USP18: variants seen among roughly 807,000 people sequenced by gnomAD.
USP18 encodes the protein ubl carboxyl-terminal hydrolase 18.
A neutral mutation model predicts 48.7 loss-of-function variants in USP18; 11 were observed. The ratio of observed to expected loss-of-function variants is 0.23; its 90% confidence interval spans 0.14 to 0.37. The LOEUF is 0.37. USP18 is among the 10% of genes least tolerant of loss of function. The pLI, the probability that USP18 is intolerant of heterozygous loss-of-function variation, is 1.00. For missense variants in USP18, 285 were observed against 436.4 expected (o/e 0.65, Z 3.09); for synonymous variants, 114 against 163.2 (o/e 0.70, Z 2.30).
In USP18 at chr22:18,169,951, C is replaced by T. The variant is rs1196072841; in HGVS notation, c.723+12C>T. ...CCCGTGGGAAACAGGTACTCATTCC[C>T]TAAATCAGACTCAGCTGTCCCTCGG... On this transcript the variant is annotated intron_variant, in intron 7 of 10. Transcript: ENST00000215794. The T allele has an allele frequency of 3.2e-5, 51 of 1,573,044 alleles. No individual in the cohort carries two copies. The highest frequency in any genetic ancestry group is 4.3e-5 in the Non-Finnish European group (50 of 1,157,730).
At chr22:18,159,778 C>A (rs8137162) in intron 2 of USP18, among the ~76,000 whole-genome samples, 18,049 of 149,136 alleles carry the variant, frequency 0.12, 1,235 homozygotes, top group African/African-American at 0.16. Context: ...TGGGTTCACA[C>A]CATTCTCCTG....
intron 5 of USP18, among the ~76,000 whole-genome samples, 166 bp downstream of exon 5, chr22:18,167,500 AT>A (rs1929505656): frequency 1.3e-5 from 2 of 152,130 alleles, no homozygotes; most frequent in Non-Finnish European, 2.9e-5. Flanking sequence ...GATCGAGACC[AT>A]CCTGGCTAAC....
rs556302968 is a variant in USP18 at position 18,156,585 on chromosome 22, C to T, written c.-106-973C>T. Among the ~76,000 whole-genome samples, 109 of 152,082 alleles carry T rather than the reference C, an allele frequency of 7.2e-4. 1 individual carries two copies. The highest frequency in any genetic ancestry group is 1.5e-3 in the South Asian group (7 of 4,810). On this transcript the variant is annotated intron_variant, in intron 1 of 10. Transcript: ENST00000215794. Reference sequence around the variant, plus strand: ...AGCTGTAACACTCACCGTGAAGGTCCGCAGCTTCGCTCCTGAAGCCAGCGA... The same window carrying T: ...AGCTGTAACACTCACCGTGAAGGTCTGCAGCTTCGCTCCTGAAGCCAGCGA...
intron 1 of USP18, among the ~76,000 whole-genome samples, chr22:18,157,357 G>C (rs910888582): frequency 6.6e-6 from 1 of 152,198 alleles, no homozygotes; most frequent in South Asian, 2.1e-4. Flanking sequence ...TTGGCAGTCG[G>C]CTCTGAGGAT....
chr22:18,161,130 G>A (rs145481846), intron 3 of USP18, among the ~76,000 whole-genome samples: 5,004 of 151,858 alleles, frequency 0.033, 265 homozygotes, highest in African/African-American at 0.11. Context: ...AGGATTGACA[G>A]CCACTGACTT....
At chr22:18,159,989 T>A (rs1342642601) in intron 2 of USP18, among the ~76,000 whole-genome samples, 183 bp from the exon 3 acceptor site, 1 of 152,106 alleles carries the variant, frequency 6.6e-6, no homozygotes, top group Non-Finnish European at 1.5e-5. Flanking sequence ...TTTTTGGATT[T>A]TTTTTGTAGA....
At chr22:18,155,618 G>A (rs1929110846) in intron 1 of USP18, among the ~76,000 whole-genome samples, 1 of 151,676 alleles carries the variant, frequency 6.6e-6, no homozygotes. Context: ...CGCACTCGGA[G>A]CGGCCAGCCG....
intron 1 of USP18, among the ~76,000 whole-genome samples, chr22:18,155,592 G>A (rs906091657): frequency 2.0e-5 from 3 of 152,158 alleles, no homozygotes; most frequent in Non-Finnish European, 4.4e-5. Context: ...CCGAGTGGGC[G>A]TGGGCTCGGC....
intron 10 of USP18, among the ~76,000 whole-genome samples, chr22:18,174,988 A>G (rs1426552424): frequency 1.3e-5 from 2 of 152,134 alleles, no homozygotes; most frequent in African/African-American, 2.4e-5. Flanking sequence ...ATCTCAGCTC[A>G]TTGCAAGCTC....
At chr22:18,152,032 C>T (rs1413155298) in intron 1 of USP18, among the ~76,000 whole-genome samples, 1 of 151,232 alleles carries the variant, frequency 6.6e-6, no homozygotes, top group Non-Finnish European at 1.5e-5. Flanking sequence ...CCAGCCTGGG[C>T]GACAGAGGGA....
chr22:18,162,654 G>A (rs888304749), intron 4 of USP18, among the ~76,000 whole-genome samples: 2 of 149,712 alleles, frequency 1.3e-5, no homozygotes, highest in African/African-American at 4.9e-5. Context: ...AGTCATTATA[G>A]GTATGCGTTG....
chr22:18,155,235 T>C (rs140542768), intron 1 of USP18, among the ~76,000 whole-genome samples: 1 of 152,370 alleles, frequency 6.6e-6, no homozygotes, highest in Non-Finnish European at 1.5e-5. Flanking sequence ...CTGTGGGTTC[T>C]CATCTGGCAC....
chr22:18,167,200 T>C, intron 4 of USP18, 55 bp from the exon 5 acceptor site: 10 of 1,603,714 alleles, frequency 6.2e-6, no homozygotes, highest in Non-Finnish European at 8.5e-6. Context: ...TACCAGGGCA[T>C]GAGAAGCGAC....
rs543921780 is a variant in USP18 at position 18,170,510 on chromosome 22, G to GTCC, written c.724-241_724-239dup. ...TGGAGCAGACGCGGTGGCTCCCTGGGTCCTGGTACCTGTGCAGAGCCCTGT... is the reference window on the plus strand; with the variant it reads ...TGGAGCAGACGCGGTGGCTCCCTGGGTCCTCCTGGTACCTGTGCAGAGCCCTGT... On this transcript the variant is annotated intron_variant, in intron 7 of 10. Coordinates refer to ENST00000215794, the MANE Select transcript of USP18 (RefSeq NM_017414.4). 4.6e-5 allele frequency among the ~76,000 whole-genome samples: 7 copies of GTCC among 152,232 alleles called. No homozygotes were observed. The East Asian group carries it at 1.4e-3, about 29-fold the overall frequency.
At chr22:18,156,197 G>A (rs1929132250) in intron 1 of USP18, among the ~76,000 whole-genome samples, 1 of 152,164 alleles carries the variant, frequency 6.6e-6, no homozygotes, top group African/African-American at 2.4e-5. Flanking sequence ...TTTGTGTCTA[G>A]CTCAGGGATT....
In USP18 at chr22:18,158,575, T is replaced by G. The variant is rs186054120; in HGVS notation, c.157+755T>G. 2.1e-3 allele frequency among the ~76,000 whole-genome samples: 321 copies of G among 152,334 alleles called. 1 individual carries two copies. Among genetic ancestry groups the G allele is most frequent in the Middle Eastern group, 0.014 (4 of 294 alleles). ...GCCCTTTCCCCAAGAATCCTGAGAT[T>G]AGTGGTACTTCCCTTGTGGGGTCTG... is the stretch of plus-strand genomic sequence containing the variant. On this transcript the variant is annotated intron_variant, in intron 2 of 10. Coordinates refer to ENST00000215794, the MANE Select transcript of USP18 (RefSeq NM_017414.4).
chr22:18,161,894 C>T lies in USP18; in HGVS notation c.359C>T (p.Pro120Leu), dbSNP rs1929344154. ...MQDSRQKAVRPLELAYCLQKC... is the reference protein window; with the variant it reads ...MQDSRQKAVRLLELAYCLQKC... ...GACAGCCGGCAGAAAGCAGTGCGGC[C>T]CCTGGAGCTGGCCTACTGCCTGCAG... The change falls in exon 4 of 11, where the codon CCC (proline) becomes CTC (leucine). Residue 120 changes from proline to leucine, a missense_variant. Coordinates refer to ENST00000215794, the MANE Select transcript of USP18 (RefSeq NM_017414.4). 6.2e-7 allele frequency: 1 copy of T among 1,614,018 alleles called. No homozygotes were observed. The highest frequency in any genetic ancestry group is 8.5e-7 in the Non-Finnish European group (1 of 1,179,970).
Position 18,162,755 on chromosome 22 carries a change from G to A in USP18, c.400+820G>A, listed in dbSNP as rs536141673. Among the ~76,000 whole-genome samples, 17 of 152,250 alleles carry A rather than the reference G, an allele frequency of 1.1e-4. No individual in the cohort carries two copies. The South Asian group carries it at 3.1e-3, about 28-fold the overall frequency. On this transcript the variant is annotated intron_variant, in intron 4 of 10. Transcript: ENST00000215794. ...GGAGTGCACTTACACAAATTTAGAT[G>A]GGACAGCCTACTACACAGCTAGGCT... is the stretch of plus-strand genomic sequence containing the variant.
At chr22:18,164,801 G>A (rs1929432487) in intron 4 of USP18, among the ~76,000 whole-genome samples, 1 of 152,060 alleles carries the variant, frequency 6.6e-6, no homozygotes, top group Non-Finnish European at 1.5e-5. Context: ...CCCAGAGCTA[G>A]GTGACCCAGC....
Sources: gnomAD v4.1 joint callset for allele counts (sites outside exome capture counted in the v4.1 genomes callset) on GRCh38, gnomAD v4.1.1 for gene constraint, MANE v1.5 for transcripts, NCBI Gene and HGNC (gene_info 2026-07-23, HGNC 2026-07-21) for gene names.